The following DMD variants were observed in gnomAD, a reference collection of about 807,000 sequenced individuals.
DMD encodes the protein dystrophin.
In DMD, 63 loss-of-function variants were observed where a neutral mutation model predicts 330.1. The observed-to-expected ratio is 0.19, with a 90% CI of 0.16 to 0.24. The LOEUF is 0.24. Among genes scored for constraint, DMD ranks in the 10% least tolerant of loss-of-function variants. The pLI is 1.00. For missense variants in DMD, 3,344 were observed against 2,684.1 expected (o/e 1.25, Z -5.43); for synonymous variants, 1,223 against 959.8 (o/e 1.27, Z -5.07).
At chrX:32,519,852 A>G (rs771331162) in intron 17 of DMD, among the ~76,000 whole-genome samples, 28 of 112,279 alleles carry the variant, frequency 2.5e-4, no homozygotes, top group Non-Finnish European at 2.1e-4. Context: ...AATGGAACAC[A>G]AAGCCCTTAG....
chrX:33,288,361 T>C (rs998435181), intron 1 of DMD, among the ~76,000 whole-genome samples: 1 of 111,680 alleles, frequency 9.0e-6, no homozygotes, highest in Non-Finnish European at 1.9e-5. Flanking sequence ...TTTTTGAAAT[T>C]TTTTAACTAA....
intron 55 of DMD, among the ~76,000 whole-genome samples, chrX:31,574,035 C>G (rs1010670307): frequency 9.0e-6 from 1 of 110,729 alleles, no homozygotes; most frequent in African/African-American, 3.3e-5. Context: ...GAAAATCACA[C>G]AGTTTGAAAG....
chrX:32,663,000 C>T (rs773542903), intron 9 of DMD, among the ~76,000 whole-genome samples: 112 of 112,040 alleles, frequency 1.0e-3, no homozygotes, highest in African/African-American at 3.4e-3. Flanking sequence ...AATTGACCAT[C>T]TTTAGCGATA....
intron 7 of DMD, among the ~76,000 whole-genome samples, chrX:32,703,291 C>A (rs2064302672): frequency 9.0e-6 from 1 of 111,415 alleles, no homozygotes; most frequent in African/African-American, 3.3e-5. Context: ...TTATGAAGCC[C>A]AAATCCAATG....
At chrX:32,464,186 G>C (rs1382555253) in intron 24 of DMD, among the ~76,000 whole-genome samples, 1 of 111,603 alleles carries the variant, frequency 9.0e-6, no homozygotes, top group East Asian at 2.8e-4. Flanking sequence ...GTAGCTCAAA[G>C]GATTCTTTAC....
intron 57 of DMD, among the ~76,000 whole-genome samples, chrX:31,483,222 ATT>A (rs1301297149): frequency 9.3e-6 from 1 of 107,143 alleles, no homozygotes; most frequent in Admixed American, 1.0e-4. Flanking sequence ...AATTTTTTGT[ATT>A]TTTAGTAGAG....
At chrX:32,998,236 G>T (rs2093176519) in intron 2 of DMD, among the ~76,000 whole-genome samples, 1 of 107,915 alleles carries the variant, frequency 9.3e-6, no homozygotes, top group Admixed American at 1.0e-4. Context: ...CCGGCATGGT[G>T]GTGCATGCCT....
At chrX:32,136,627 A>G (rs1283672192) in intron 44 of DMD, among the ~76,000 whole-genome samples, 1 of 112,332 alleles carries the variant, frequency 8.9e-6, no homozygotes. Context: ...TGAACGTGGC[A>G]CAGCCTAGTT....
At chrX:32,022,737 A>G (rs1392746186) in intron 44 of DMD, among the ~76,000 whole-genome samples, 1 of 112,127 alleles carries the variant, frequency 8.9e-6, no homozygotes, top group East Asian at 2.8e-4. Context: ...GATACACAGA[A>G]TGGGGAATGC....
At chrX:32,292,161 A>G (rs764870787) in intron 42 of DMD, among the ~76,000 whole-genome samples, 2 of 110,222 alleles carry the variant, frequency 1.8e-5, no homozygotes, top group East Asian at 5.7e-4. Context: ...TCTCTCCTGT[A>G]CTACAACCCC....
intron 1 of DMD, among the ~76,000 whole-genome samples, chrX:33,256,972 A>T (rs896224565): frequency 2.7e-5 from 3 of 110,807 alleles, no homozygotes; most frequent in Non-Finnish European, 5.7e-5. Flanking sequence ...ATCTTGAACA[A>T]TTCTAGTCAC....
chrX:32,450,085 C>T (rs1419907975), intron 26 of DMD, among the ~76,000 whole-genome samples: 1 of 110,695 alleles, frequency 9.0e-6, no homozygotes, highest in African/African-American at 3.3e-5. Context: ...ATGTTAATTT[C>T]CCAGTACTTG....
chrX:32,722,229 C>A (rs972579774), intron 7 of DMD, among the ~76,000 whole-genome samples: 1 of 109,837 alleles, frequency 9.1e-6, no homozygotes, highest in Non-Finnish European at 1.9e-5. Flanking sequence ...TACAGTCAAC[C>A]TTCTATTTCC....
intron 51 of DMD, among the ~76,000 whole-genome samples, chrX:31,772,125 T>C (rs892029745): frequency 1.1e-4 from 12 of 112,542 alleles, no homozygotes; most frequent in African/African-American, 3.9e-4. Context: ...GTTAGATTTC[T>C]AGAGTTCGTG....
At chrX:31,301,631 A>G (rs60642583) in intron 62 of DMD, among the ~76,000 whole-genome samples, 1 of 112,565 alleles carries the variant, frequency 8.9e-6, no homozygotes, top group African/African-American at 3.2e-5. Context: ...ACAATTTGAC[A>G]TGACATTTGG....
At chrX:32,850,529 G>A (rs1225564398) in intron 2 of DMD, among the ~76,000 whole-genome samples, 2 of 111,877 alleles carry the variant, frequency 1.8e-5, no homozygotes, top group Non-Finnish European at 3.8e-5. Context: ...GAGATTAGCA[G>A]TAACATACTT....
intron 2 of DMD, among the ~76,000 whole-genome samples, chrX:32,882,821 A>G (rs1185905471): frequency 8.9e-6 from 1 of 112,329 alleles, no homozygotes; most frequent in Non-Finnish European, 1.9e-5. Flanking sequence ...CATCCATACT[A>G]TACACATAAT....
At chrX:32,241,235 G>T (rs184872767) in intron 43 of DMD, among the ~76,000 whole-genome samples, 8 of 112,217 alleles carry the variant, frequency 7.1e-5, no homozygotes, top group African/African-American at 2.3e-4. Context: ...CTAGCATTTA[G>T]TAGTTGCATG....
chrX:31,535,223 C>G (rs1209440249), intron 55 of DMD, among the ~76,000 whole-genome samples: 1 of 1,832 alleles, frequency 5.5e-4, no homozygotes, highest in African/African-American at 2.5e-3. Flanking sequence ...CATCACACTA[C>G]CTGACTTCAA....
Sources: gnomAD v4.1 joint callset for allele counts (sites outside exome capture counted in the v4.1 genomes callset) on GRCh38, gnomAD v4.1.1 for gene constraint, MANE v1.5 for transcripts, NCBI Gene and HGNC (gene_info 2026-07-23, HGNC 2026-07-21) for gene names.